GRM4: variants seen among roughly 807,000 people sequenced by gnomAD.
GRM4 encodes metabotropic glutamate receptor 4.
Under a neutral mutation model 81.7 loss-of-function variants are expected in GRM4, and 28 were observed. The ratio of observed to expected loss-of-function variants is 0.34; its 90% CI spans 0.25 to 0.47. The LOEUF is 0.47. GRM4 is among the 20% of genes least tolerant of loss of function. The pLI is 1.00. For missense variants in GRM4, 948 were observed against 1,290.0 expected, an observed-to-expected ratio of 0.73 and a Z score of 4.06; for synonymous variants, 488 against 528.8, an observed-to-expected ratio of 0.92 and a Z score of 1.06.
At chr6:34,065,596 C>A (rs577868646) in intron 3 of GRM4, among the ~76,000 whole-genome samples, 1 of 152,300 alleles carries the variant, frequency 6.6e-6, no homozygotes, top group South Asian at 2.1e-4. Context: ...CTTGGCAAGC[C>A]CCTGCCCAGC....
At position 34,074,234 on chromosome 6, in the gene GRM4, T is replaced by C. The variant is rs1359825318; in HGVS notation, c.737-12206A>G. The stretch of plus-strand genomic sequence containing the variant: ...ATGTCCCATCTCAACCACCTACTGC[T>C]TCGTGATGAAAGCCACGTTGCCCAC... On this transcript the variant is annotated intron_variant, in intron 3 of 10. Transcript: ENST00000538487. This position sits in a 1 kb window ranked among gnomAD's most constrained non-coding sequence, Gnocchi z 4.9. Among the ~76,000 whole-genome samples, 2 of 152,160 alleles carry C rather than the reference T, an allele frequency of 1.3e-5. No individual in the cohort carries two copies. The highest frequency in any genetic ancestry group is 3.9e-4 in the East Asian group (2 of 5,190).
intron 3 of GRM4, among the ~76,000 whole-genome samples, chr6:34,081,557 A>T (rs557087334): frequency 3.9e-5 from 6 of 152,364 alleles, no homozygotes; most frequent in African/African-American, 1.4e-4. Context: ...TGAGGAAGGC[A>T]CACAGTCCCT....
At chr6:34,134,663 TCCTCCCTC>T (rs59146326) in intron 1 of GRM4, among the ~76,000 whole-genome samples, 8 of 150,956 alleles carry the variant, frequency 5.3e-5, no homozygotes, top group East Asian at 1.9e-4. Context: ...AGCTTGCACA[TCCTCCCTC>T]CCTCCCTCCC....
At chr6:34,128,293 C>T (rs1317307358) in intron 2 of GRM4, among the ~76,000 whole-genome samples, 1 of 152,126 alleles carries the variant, frequency 6.6e-6, no homozygotes, top group Admixed American at 6.5e-5. Context: ...CAGCTACAAG[C>T]TGTGCTGTGA....
At chr6:34,023,635 T>G (rs1763999161) in intron 10 of GRM4, among the ~76,000 whole-genome samples, 1 of 152,086 alleles carries the variant, frequency 6.6e-6, no homozygotes, top group Non-Finnish European at 1.5e-5. Flanking sequence ...CCTCTGGCCC[T>G]TACTCCACAC....
At chr6:34,049,645 C>G (rs1482765710) in intron 6 of GRM4, among the ~76,000 whole-genome samples, 1 of 152,142 alleles carries the variant, frequency 6.6e-6, no homozygotes, top group South Asian at 2.1e-4. Flanking sequence ...TCCCAGCCTG[C>G]TCCTCCTCCC....
intron 2 of GRM4, among the ~76,000 whole-genome samples, chr6:34,096,390 C>A (rs1185839950): frequency 6.6e-6 from 1 of 152,202 alleles, no homozygotes; most frequent in Non-Finnish European, 1.5e-5. Flanking sequence ...CTCCCTGAGC[C>A]CTCATCCTCC....
At position 34,114,770 on chromosome 6, in the gene GRM4, A is replaced by G. The variant is rs1769521481; in HGVS notation, c.519+18208T>C. Among the ~76,000 whole-genome samples, 1 of 151,912 alleles carries G rather than the reference A, an allele frequency of 6.6e-6. No individual in the cohort carries two copies. On this transcript the variant is annotated intron_variant, in intron 2 of 10. Transcript: ENST00000538487. This position sits in a 1 kb window ranked among gnomAD's most constrained non-coding sequence, Gnocchi z 4.3. Reference sequence around the variant, plus strand: ...TAGACCCTCACCTGTACCCCCTCACAGCCCTCCCATACCCCAGTTTGAGCT... The same window carrying G: ...TAGACCCTCACCTGTACCCCCTCACGGCCCTCCCATACCCCAGTTTGAGCT...
At chr6:34,044,767 TAGACATACACATACACACACAG>T in intron 6 of GRM4, among the ~76,000 whole-genome samples, 1 of 104,380 alleles carries the variant, frequency 9.6e-6, no homozygotes, top group African/African-American at 4.6e-5. Flanking sequence ...TACACACACA[TAGACATACACATACACACACAG>T]ACATACATAC....
At chr6:34,147,900 T>TTGAATGAATGAA (rs3041981), upstream of GRM4, among the ~76,000 whole-genome samples, 9 of 150,666 alleles carry the variant, frequency 6.0e-5, no homozygotes, top group African/African-American at 2.2e-4. Context: ...TATACTTTTG[T>TTGAATGAATGAA]TGAATGAATG....
chr6:34,072,618 ATCACCG>A (rs1766992456), intron 3 of GRM4, among the ~76,000 whole-genome samples: 1 of 2,918 alleles, frequency 3.4e-4, no homozygotes, highest in African/African-American at 1.0e-3. Context: ...ACACACACAC[ATCACCG>A]CATAGATACA....
rs146900754 is a variant in GRM4 at position 34,119,890 on chromosome 6, C to T, written c.519+13088G>A. On this transcript the variant is annotated intron_variant, in intron 2 of 10. Coordinates refer to ENST00000538487, the MANE Select transcript of GRM4 (RefSeq NM_000841.4). ...ATATATGCATTTAATCCCCTTCCTA[C>T]CCCAGGCCTGCGGTGAGGATATCCA... Among the ~76,000 whole-genome samples, 25 of 152,272 alleles carry T rather than the reference C, an allele frequency of 1.6e-4. No individual in the cohort carries two copies. The East Asian group carries it at 4.8e-3, about 29-fold the overall frequency.
intron 6 of GRM4, among the ~76,000 whole-genome samples, chr6:34,044,319 GAC>G (rs1251958538): frequency 1.0e-4 from 9 of 86,498 alleles, no homozygotes; most frequent in Admixed American, 2.2e-4. Flanking sequence ...TATATACACA[GAC>G]ACACATACAC....
intron 2 of GRM4, among the ~76,000 whole-genome samples, chr6:34,097,716 T>C (rs1768610750): frequency 6.6e-6 from 1 of 152,166 alleles, no homozygotes; most frequent in Non-Finnish European, 1.5e-5. Context: ...GGGCAGGGAA[T>C]GTGTCCAGCA....
rs186768924 is a variant in GRM4 at position 34,069,262 on chromosome 6, A to G, written c.737-7234T>C. Among the ~76,000 whole-genome samples the G allele has an allele frequency of 4.0e-3, 604 of 151,952 alleles. 7 individuals are homozygous for G. Among genetic ancestry groups the G allele is most frequent in the African/African-American group, 0.013 (549 of 41,410 alleles). ...CCAAAGCCAGGCCCTTCCCCAAAAC[A>G]GCTCTCAGGAAGGGGACCAGAAATA... On this transcript the variant is annotated intron_variant, in intron 3 of 10. Coordinates refer to ENST00000538487, the MANE Select transcript of GRM4 (RefSeq NM_000841.4). This position sits in a 1 kb window ranked among gnomAD's most constrained non-coding sequence, Gnocchi z 6.4.
At position 34,136,559 on chromosome 6, in the gene GRM4, T is replaced by C. The variant is rs914814; in HGVS notation, c.-363-2700A>G. Among the ~76,000 whole-genome samples, 148,052 of 150,188 alleles carry C rather than the reference T, an allele frequency of 0.99. 72,998 individuals are homozygous for C. The highest frequency in any genetic ancestry group is 1 in the Middle Eastern group (292 of 292). Reference sequence around the variant, plus strand: ...CTGGGCTGAGCAGTGCATGCGCGCGTGCGGACACACACACACACACACACA... The same window carrying C: ...CTGGGCTGAGCAGTGCATGCGCGCGCGCGGACACACACACACACACACACA... On this transcript the variant is annotated intron_variant, in intron 1 of 10. Coordinates refer to ENST00000538487, the MANE Select transcript of GRM4 (RefSeq NM_000841.4). This position sits in a 1 kb window ranked among gnomAD's most constrained non-coding sequence, Gnocchi z 4.1.
chr6:34,049,170 C>T (rs1322707639), intron 6 of GRM4, among the ~76,000 whole-genome samples: 3 of 152,082 alleles, frequency 2.0e-5, no homozygotes, highest in Non-Finnish European at 4.4e-5. Flanking sequence ...TCCTGACCAA[C>T]TCCAGTCTGG....
chr6:34,100,744 C>A (rs1768791880), intron 2 of GRM4, among the ~76,000 whole-genome samples: 1 of 152,246 alleles, frequency 6.6e-6, no homozygotes, highest in African/African-American at 2.4e-5. Flanking sequence ...TTCTTGGGAC[C>A]ACTTGAAAAG....
rs71000021 is a variant in GRM4, at chr6:34,069,167, TACACACAC to T, written c.737-7147_737-7140del. On this transcript the variant is annotated intron_variant, in intron 3 of 10. Transcript: ENST00000538487. This position sits in a 1 kb window ranked among gnomAD's most constrained non-coding sequence, Gnocchi z 6.4. Reference sequence around the variant, plus strand: ...CTACCCCTGGACCCTCATGGGCGTATACACACACACACACACACACACACACACACACA... The same window carrying T: ...CTACCCCTGGACCCTCATGGGCGTATACACACACACACACACACACACACA... 1.7e-3 allele frequency among the ~76,000 whole-genome samples: 224 copies of T among 134,700 alleles called. No homozygotes were observed. The Middle Eastern group carries it at 0.018, about 11-fold the overall frequency. The allele number at this position is 134,700 out of a possible 152,430, so 88.4% of individuals were successfully genotyped here.
Sources: gnomAD v4.1 joint callset for allele counts (sites outside exome capture counted in the v4.1 genomes callset) on GRCh38, gnomAD v4.1.1 for gene constraint, Gnocchi (gnomAD v3.1) non-coding constraint, MANE v1.5 for transcripts, NCBI Gene and HGNC (gene_info 2026-07-23, HGNC 2026-07-21) for gene names.